CHRD: variants seen among roughly 807,000 people sequenced by gnomAD.
CHRD encodes the protein chordin.
In CHRD, 69 loss-of-function variants were observed where a neutral mutation model predicts 113.7. That is an observed-to-expected ratio of 0.61 (90% CI 0.50 to 0.74). The LOEUF is 0.74. Ranked by LOEUF, CHRD falls within the 30% of genes least tolerant of loss-of-function variation. The pLI is 0.00. For missense variants in CHRD, 1,194 were observed against 1,295.8 expected (o/e 0.92, Z 1.21); for synonymous variants, 561 against 540.8 (o/e 1.04, Z -0.52).
rs781191897 is a variant in CHRD, at chr3:184,381,716, A to T, written c.512A>T (p.Asp171Val). 6.2e-7 allele frequency: 1 copy of T among 1,612,880 alleles called. No homozygotes were observed. Residue 171 changes from aspartate (D) to valine (V), a missense_variant and splice_region_variant, in exon 5 of 23, where the codon GAC becomes GTC. Transcript: ENST00000204604. This position sits in a 1 kb window ranked among gnomAD's most constrained non-coding sequence, Gnocchi z 4.7. ...TCAGGCCATCTTCCTCCCGTCCCAGACTTCGTGGCGCTGCTGACAGGGCCG... is the reference window on the plus strand; with the variant it reads ...TCAGGCCATCTTCCTCCCGTCCCAGTCTTCGTGGCGCTGCTGACAGGGCCG...
rs746251193 is a variant in CHRD at position 184,388,540 on chromosome 3, C to T, written c.2555-47C>T. 2 of 1,571,834 alleles carry T rather than the reference C, an allele frequency of 1.3e-6. No individual in the cohort carries two copies. The highest frequency in any genetic ancestry group is 1.2e-5 in the South Asian group (1 of 86,874). On this transcript the variant is annotated intron_variant, in intron 20 of 22. Transcript: ENST00000204604. This position sits in a 1 kb window ranked among gnomAD's most constrained non-coding sequence, Gnocchi z 6.1. Reference sequence around the variant, plus strand: ...GTATTCAAAGAGAATACTCATAAAACCTTGTTGGTCCTCCTGGGCTGATCC... The same window carrying T: ...GTATTCAAAGAGAATACTCATAAAATCTTGTTGGTCCTCCTGGGCTGATCC...
Position 184,380,611 on chromosome 3 carries a change from G to GC in CHRD, c.149-81_149-80insC. On this transcript the variant is annotated intron_variant, in intron 1 of 22. Coordinates refer to ENST00000204604, the Ensembl canonical transcript of CHRD. This position sits in a 1 kb window ranked among gnomAD's most constrained non-coding sequence, Gnocchi z 6.3. The stretch of plus-strand genomic sequence containing the variant: ...GGGGGCAGAAGGGCGCGGTGCCTGG[G>GC]ACCCGGGACCCGCGGGCAGCCCCCG... The GC allele has an allele frequency of 8.2e-7, 1 of 1,217,784 alleles. No individual in the cohort carries two copies. The highest frequency in any genetic ancestry group is 1.1e-6 in the Non-Finnish European group (1 of 939,348). The allele number at this position is 1,217,784 out of a possible 1,614,324, so 75.4% of individuals were successfully genotyped here.
At position 184,383,458 on chromosome 3, in the gene CHRD, G is replaced by A. The variant is rs201617645; in HGVS notation, c.1320+40G>A. On this transcript the variant is annotated intron_variant, in intron 11 of 22. Coordinates refer to ENST00000204604, the Ensembl canonical transcript of CHRD. The stretch of plus-strand genomic sequence containing the variant: ...CTGCAGAAGGTGGGGGAGGGGTGGC[G>A]TGGGCAGCAGGCCCCAGGCCTTTAC... 341 of 1,612,606 alleles carry A rather than the reference G, an allele frequency of 2.1e-4. 1 individual carries two copies. Among genetic ancestry groups the A allele is most frequent in the Non-Finnish European group, 2.5e-4 (294 of 1,178,918 alleles).
At position 184,381,008 on chromosome 3, in the gene CHRD, G is replaced by T. The variant is rs111489170; in HGVS notation, c.252+213G>T. On this transcript the variant is annotated intron_variant, in intron 2 of 22. Coordinates refer to ENST00000204604, the Ensembl canonical transcript of CHRD. This position sits in a 1 kb window ranked among gnomAD's most constrained non-coding sequence, Gnocchi z 4.7. ...TGAGGCTCTGTGCCAACTCCGTTTCGTTCCCTGCTCATCTAACTCTCATGG... is the reference window on the plus strand; with the variant it reads ...TGAGGCTCTGTGCCAACTCCGTTTCTTTCCCTGCTCATCTAACTCTCATGG... 81 of 739,006 alleles carry T rather than the reference G, an allele frequency of 1.1e-4. No homozygotes were observed. The African/African-American group carries it at 1.2e-3, about 11-fold the overall frequency. 45.8% of individuals were successfully genotyped at this position (739,006 alleles called of 1,614,324 possible).
rs748214608 is a variant in CHRD, at chr3:184,386,129, G to A, written c.1902G>A (p.Lys634=). 9 of 1,614,194 alleles carry A rather than the reference G, an allele frequency of 5.6e-6. No homozygotes were observed. The South Asian group carries it at 9.9e-5, about 18-fold the overall frequency. The stretch of plus-strand genomic sequence containing the variant: ...TGGCCTCCCTGATGATCACCACCAA[G>A]GGTAGCCCCAGAGGGGAGCTCCGAG... Residue 634 remains lysine (K), a synonymous_variant, in exon 15 of 23, where the codon AAG becomes AAA. Coordinates refer to ENST00000204604, the Ensembl canonical transcript of CHRD.
chr3:184,382,483 C>T, exon 7 of CHRD: 1 of 1,614,102 alleles, frequency 6.2e-7, no homozygotes, highest in Non-Finnish European at 8.5e-7. Context: ...ACTCACCCTT[C>T]AGGGGAGGTC....
At position 184,388,720 on chromosome 3, in the gene CHRD, C is replaced by A; in HGVS notation, c.2688C>A (p.Ser896Arg). ...CAGTGCCCCCTTTTGGAGAGATGAG[C>A]TGTATCACCTGCAGATGTGGGGTAA... Residue 896 changes from serine (S) to arginine (R), a missense_variant, in exon 21 of 23, where the codon AGC becomes AGA. Physicochemically the swap from Ser to Arg is moderately radical, Grantham distance 110. Transcript: ENST00000204604. The surrounding 1 kb of genome is among the most constrained non-coding windows in gnomAD (Gnocchi z 6.1). The A allele has an allele frequency of 6.2e-7, 1 of 1,614,010 alleles. No homozygotes were observed. The highest frequency in any genetic ancestry group is 8.5e-7 in the Non-Finnish European group (1 of 1,180,004).
intron 22 of CHRD, 135 bp from the exon 23 acceptor site, chr3:184,389,232 G>A: frequency 1.3e-6 from 1 of 748,480 alleles, no homozygotes; most frequent in East Asian, 2.7e-5. Flanking sequence ...TCACCCAGCT[G>A]TGTGCACTGA....
At position 184,380,175 on chromosome 3, in the gene CHRD, T is replaced by TGCCCCG. The variant is rs1192243727; in HGVS notation, c.-120_-115dup. 323 of 137,990 alleles carry TGCCCCG rather than the reference T, an allele frequency of 2.3e-3. 3 individuals carry two copies. Among genetic ancestry groups the TGCCCCG allele is most frequent in the East Asian group, 0.018 (75 of 4,106 alleles). 8.5% of individuals were successfully genotyped at this position (137,990 alleles called of 1,614,324 possible). A position where few individuals can be genotyped will look rare whatever the true frequency, so the allele number is the denominator to read the frequency against. ...CCGCCCGACGAGCCCCTCGCGGCACTGCCCCGGCCCCGGCCCCGGCCCCGG... is the reference window on the plus strand; with the variant it reads ...CCGCCCGACGAGCCCCTCGCGGCACTGCCCCGGCCCCGGCCCCGGCCCCGGCCCCGG... On this transcript the variant is annotated 5_prime_UTR_variant, in exon 1 of 23. Coordinates refer to ENST00000204604, the Ensembl canonical transcript of CHRD. The surrounding 1 kb of genome is among the most constrained non-coding windows in gnomAD (Gnocchi z 6.3).
chr3:184,382,645 G>A, exon 8 of CHRD: 1 of 1,613,382 alleles, frequency 6.2e-7, no homozygotes, highest in Non-Finnish European at 8.5e-7. Context: ...GACCTTCAGT[G>A]CCATCCTGAC....
intron 15 of CHRD, 118 bp downstream of exon 15, chr3:184,386,277 C>G: frequency 4.8e-6 from 6 of 1,260,078 alleles, no homozygotes; most frequent in Non-Finnish European, 6.7e-6. Flanking sequence ...CGTATCACAG[C>G]GCCCCCCCGG....
Position 184,388,500 on chromosome 3 carries a change from A to G in CHRD, c.2555-87A>G. 6.8e-7 allele frequency: 1 copy of G among 1,461,892 alleles called. No individual in the cohort carries two copies. Among genetic ancestry groups the G allele is most frequent in the Non-Finnish European group, 9.1e-7 (1 of 1,092,942 alleles). The allele number at this position is 1,461,892 out of a possible 1,614,324, so 90.6% of individuals were successfully genotyped here. A position where few individuals can be genotyped will look rare whatever the true frequency, so the allele number is the denominator to read the frequency against. ...ATTTATCACCTACTAAGTGCCAGAAACTGCAACGTGCTGGGTATTCAAAGA... is the reference window on the plus strand; with the variant it reads ...ATTTATCACCTACTAAGTGCCAGAAGCTGCAACGTGCTGGGTATTCAAAGA... On this transcript the variant is annotated intron_variant, in intron 20 of 22. Coordinates refer to ENST00000204604, the Ensembl canonical transcript of CHRD. This position sits in a 1 kb window ranked among gnomAD's most constrained non-coding sequence, Gnocchi z 6.1.
At chr3:184,385,162 C>T in exon 14 of CHRD, 3 of 1,614,182 alleles carry the variant, frequency 1.9e-6, no homozygotes, top group Non-Finnish European at 2.5e-6. Context: ...GAACAAGGCA[C>T]TGTCACTGCC....
rs761827805 is a variant in CHRD, at chr3:184,383,295, G to A, written c.1214-17G>A. 6.2e-7 allele frequency: 1 copy of A among 1,610,474 alleles called. No homozygotes were observed. The highest frequency in any genetic ancestry group is 1.1e-5 in the South Asian group (1 of 90,932). ...CCATGGGGTAAACCTAGCCTCACCT[G>A]TCTTGCCCCTCCGTAGTCCTGCAAA... On this transcript the variant is annotated splice_polypyrimidine_tract_variant and intron_variant, in intron 10 of 22. Transcript: ENST00000204604.
In CHRD at chr3:184,382,376, C is replaced by T; in HGVS notation, c.700-13C>T. ...GTGTCTGAGCGTAGGGCCTTCTTGT[C>T]TCTCTGCTCCAGGTCTGTGGGGTGT... On this transcript the variant is annotated splice_polypyrimidine_tract_variant and intron_variant, in intron 6 of 22. Coordinates refer to ENST00000204604, the Ensembl canonical transcript of CHRD. The T allele has an allele frequency of 6.2e-7, 1 of 1,614,142 alleles. No homozygotes were observed. Among genetic ancestry groups the T allele is most frequent in the Non-Finnish European group, 8.5e-7 (1 of 1,180,002 alleles).
At chr3:184,386,561 G>T in exon 16 of CHRD, 1 of 1,551,160 alleles carries the variant, frequency 6.4e-7, no homozygotes, top group Non-Finnish European at 8.7e-7. Context: ...GGGGGTGCGG[G>T]CGCTGGGGGC....
At chr3:184,382,766 G>A in exon 8 of CHRD, 1 of 1,613,956 alleles carries the variant, frequency 6.2e-7, no homozygotes, top group Non-Finnish European at 8.5e-7. Flanking sequence ...CTGGAACCCA[G>A]GAGTGGGGGT....
chr3:184,383,734 C>A, intron 12 of CHRD, 92 bp downstream of exon 12: 12 of 1,162,278 alleles, frequency 1.0e-5, no homozygotes, highest in Non-Finnish European at 1.3e-5. Context: ...TTATCATCCA[C>A]TCACTCATGG....
chr3:184,380,723 G>C lies in CHRD; in HGVS notation c.180G>C (p.Leu60Phe), dbSNP rs1343986291. The C allele has an allele frequency of 1.3e-6, 2 of 1,598,800 alleles. No homozygotes were observed. Among genetic ancestry groups the C allele is most frequent in the Non-Finnish European group, 1.7e-6 (2 of 1,176,708 alleles). Residue 60 changes from leucine to phenylalanine, a missense_variant, in exon 2 of 23, where the codon TTG (leucine) becomes TTC (phenylalanine). Leu to Phe is a conservative substitution (Grantham distance 22). Transcript: ENST00000204604. The surrounding 1 kb of genome is among the most constrained non-coding windows in gnomAD (Gnocchi z 6.3). The stretch of plus-strand genomic sequence containing the variant: ...CCTTCGGCGGGAAGGTCTATGCCTT[G>C]GACGAGACGTGGCACCCGGACCTAG...
Sources: gnomAD v4.1 joint callset for allele counts on GRCh38, gnomAD v4.1.1 for gene constraint, Gnocchi (gnomAD v3.1) non-coding constraint, MANE v1.5 for transcripts, NCBI Gene and HGNC (gene_info 2026-07-23, HGNC 2026-07-21) for gene names.